Variants in KIF3B observed in about 807,000 individuals in gnomAD.
KIF3B encodes the protein kinesin family member 3B, also known as kinesin-like protein KIF3B.
KIF3B carries 38 observed loss-of-function variants against 74.3 expected under a neutral mutation model. The ratio of observed to expected loss-of-function variants is 0.51; its 90% CI spans 0.39 to 0.67. The LOEUF is 0.67. Among genes scored for constraint, KIF3B ranks in the 30% least tolerant of loss-of-function variants. The pLI is 0.00. For synonymous variants in KIF3B, 326 were observed against 342.5 expected (o/e 0.95, Z 0.53); for missense variants, 649 against 932.0 (o/e 0.70, Z 3.95).
intron 5 of KIF3B, among the ~76,000 whole-genome samples, chr20:32,322,754 A>ATT (rs1448706946): frequency 0.023 from 1,006 of 43,430 alleles, 154 homozygotes; most frequent in African/African-American, 0.13. Flanking sequence ...ATTTATATAT[A>ATT]TATTTATATA....
intron 1 of KIF3B, among the ~76,000 whole-genome samples, chr20:32,279,157 A>T (rs1239322336): frequency 6.6e-6 from 1 of 152,044 alleles, no homozygotes; most frequent in African/African-American, 2.4e-5. Context: ...TCCTGGCCTC[A>T]AGTGATATAC....
chr20:32,323,770 C>CG (rs1020429156), intron 5 of KIF3B, among the ~76,000 whole-genome samples: 2 of 151,360 alleles, frequency 1.3e-5, no homozygotes, highest in African/African-American at 4.9e-5. Context: ...CTCAACTACT[C>CG]GGGAGGCTGA....
At chr20:32,286,499 A>G (rs980609078) in intron 1 of KIF3B, among the ~76,000 whole-genome samples, 2 of 152,232 alleles carry the variant, frequency 1.3e-5, no homozygotes, top group Non-Finnish European at 2.9e-5. Flanking sequence ...TGCAATAATA[A>G]GTTAGACTCT....
rs941073201 is a variant in KIF3B at position 32,334,058 on chromosome 20, G to A, written c.*2739G>A. On this transcript the variant is annotated 3_prime_UTR_variant, in exon 9 of 9. Coordinates refer to ENST00000375712, the MANE Select transcript of KIF3B (RefSeq NM_004798.4). Reference sequence around the variant, plus strand: ...TCATGTCTCTAGTCATACCTAGAATGTTCTGAGCCGTCTGAGGGCCTTCAT... The same window carrying A: ...TCATGTCTCTAGTCATACCTAGAATATTCTGAGCCGTCTGAGGGCCTTCAT... The A allele has an allele frequency of 2.0e-5, 3 of 152,658 alleles. No individual in the cohort carries two copies. The South Asian group carries it at 6.2e-4, about 32-fold the overall frequency. The allele number at this position is 152,658 out of a possible 1,614,324, so 9.5% of individuals were successfully genotyped here. A position where few individuals can be genotyped will look rare whatever the true frequency, so the allele number is the denominator to read the frequency against.
intron 2 of KIF3B, among the ~76,000 whole-genome samples, chr20:32,311,802 C>CTTT (rs771615918): frequency 7.6e-6 from 1 of 132,128 alleles, no homozygotes; most frequent in African/African-American, 2.9e-5. Context: ...ATCCATTTTT[C>CTTT]TTTTTTTTTT....
At chr20:32,314,538 TAAA>T (rs770674327) in intron 2 of KIF3B, among the ~76,000 whole-genome samples, 1 of 139,112 alleles carries the variant, frequency 7.2e-6, no homozygotes, top group African/African-American at 2.6e-5. Flanking sequence ...AGACTCCATC[TAAA>T]AAAAAAAAAA....
chr20:32,324,925 G>A (rs956372949), intron 5 of KIF3B, among the ~76,000 whole-genome samples: 5 of 152,046 alleles, frequency 3.3e-5, no homozygotes, highest in Non-Finnish European at 5.9e-5. Flanking sequence ...CAGCTACTCC[G>A]GGGGCTGAGG....
intron 1 of KIF3B, among the ~76,000 whole-genome samples, chr20:32,287,753 CCTT>C (rs933700147): frequency 1.5e-4 from 23 of 152,174 alleles, no homozygotes; most frequent in East Asian, 5.8e-4. Flanking sequence ...CAGAATATCT[CCTT>C]CTCTCTCAGC....
chr20:32,316,937 T>TCTAACTAAACAA, intron 5 of KIF3B, 63 bp downstream of exon 5: 2 of 1,266,132 alleles, frequency 1.6e-6, no homozygotes, highest in Non-Finnish European at 2.3e-6. Flanking sequence ...CTCGTTTGTT[T>TCTAACTAAACAA]AGTTAGAAAC....
Position 32,310,144 on chromosome 20 carries a change from T to C in KIF3B, c.367T>C (p.Phe123Leu), listed in dbSNP as rs2047792350. 2 of 1,613,908 alleles carry C rather than the reference T, an allele frequency of 1.2e-6. No individual in the cohort carries two copies. Among genetic ancestry groups the C allele is most frequent in the East Asian group, 4.5e-5 (2 of 44,870 alleles). The change falls in exon 2 of 9, where the codon TTT (phenylalanine) becomes CTT (leucine). Residue 123 changes from phenylalanine to leucine, a missense_variant. By Grantham distance (22) the Phe-to-Leu change is conservative. Coordinates refer to ENST00000375712, the MANE Select transcript of KIF3B (RefSeq NM_004798.4). The surrounding 1 kb of genome is among the most constrained non-coding windows in gnomAD (Gnocchi z 6.5). ...PEKRGVIPNS[F>L]DHIFTHISRS... is the part of the protein sequence containing the mutation. The stretch of plus-strand genomic sequence containing the variant: ...AAAAAGAGGAGTCATTCCTAACTCA[T>C]TTGACCATATCTTCACCCACATCTC...
intron 1 of KIF3B, among the ~76,000 whole-genome samples, chr20:32,286,570 T>C (rs973463870): frequency 2.0e-5 from 3 of 152,216 alleles, no homozygotes; most frequent in Admixed American, 6.6e-5. Flanking sequence ...TTTAAAAATA[T>C]ATAATTTTTT....
At chr20:32,279,080 C>A (rs1022912602) in intron 1 of KIF3B, among the ~76,000 whole-genome samples, 2 of 151,730 alleles carry the variant, frequency 1.3e-5, no homozygotes, top group Non-Finnish European at 2.9e-5. Flanking sequence ...TTCACCACCT[C>A]GTCCACTAAT....
chr20:32,285,812 G>A (rs1490078019), intron 1 of KIF3B, among the ~76,000 whole-genome samples: 1 of 152,044 alleles, frequency 6.6e-6, no homozygotes, highest in Non-Finnish European at 1.5e-5. Context: ...GTGGCTTTTA[G>A]AGCGTATTTC....
In KIF3B at chr20:32,333,041, A is replaced by G. The variant is rs1329079748; in HGVS notation, c.*1722A>G. The G allele has an allele frequency of 2.6e-5, 4 of 152,580 alleles. No individual in the cohort carries two copies. The highest frequency in any genetic ancestry group is 2.9e-5 in the Non-Finnish European group (2 of 68,014). The allele number at this position is 152,580 out of a possible 1,614,324, so 9.5% of individuals were successfully genotyped here. On this transcript the variant is annotated 3_prime_UTR_variant, in exon 9 of 9. Transcript: ENST00000375712. ...TGGGAAACAGGAGGTACTAAGTGCA[A>G]TGTCTTAGCATTCTGCAAAATGGAG...
rs183370646 is a variant in KIF3B, at chr20:32,320,332, G to A, written c.1748+3458G>A. Among the ~76,000 whole-genome samples the A allele has an allele frequency of 9.5e-4, 145 of 151,978 alleles. 1 individual carries two copies. Among genetic ancestry groups the A allele is most frequent in the Non-Finnish European group, 3.4e-4 (23 of 67,978 alleles). On this transcript the variant is annotated intron_variant, in intron 5 of 8. Transcript: ENST00000375712. ...ATTACTTATAGCACAAAAGATTTCC[G>A]TTGTGATATAGCCCAATTTAATTGT... is the stretch of plus-strand genomic sequence containing the variant.
At chr20:32,302,746 C>T (rs2047750216) in intron 1 of KIF3B, among the ~76,000 whole-genome samples, 1 of 152,132 alleles carries the variant, frequency 6.6e-6, no homozygotes, top group Non-Finnish European at 1.5e-5. Flanking sequence ...GGGATTTTCC[C>T]TTTGCACCTA....
At chr20:32,306,168 G>A (rs1005634823) in intron 1 of KIF3B, among the ~76,000 whole-genome samples, 26 of 151,744 alleles carry the variant, frequency 1.7e-4, no homozygotes, top group African/African-American at 5.1e-4. Context: ...GCCGAGGCAG[G>A]CCAGTCATGA....
In KIF3B at chr20:32,311,195, AC is replaced by A. The variant is rs140214096; in HGVS notation, c.1404+17del. The A allele has an allele frequency of 3.8e-4, 610 of 1,584,856 alleles. 5 individuals carry two copies. In the African/African-American group the frequency reaches 7.7e-3, roughly 20 times the overall value. On this transcript the variant is annotated intron_variant, in intron 2 of 8. Coordinates refer to ENST00000375712, the MANE Select transcript of KIF3B (RefSeq NM_004798.4). ...GCCAAGATCAAGGTACCATACCCGTACCCTTCCTTAGGCCCTTGCCCTGTCA... is the reference window on the plus strand; with the variant it reads ...GCCAAGATCAAGGTACCATACCCGTACCTTCCTTAGGCCCTTGCCCTGTCA...
chr20:32,292,981 G>A (rs575661427), intron 1 of KIF3B, among the ~76,000 whole-genome samples: 2 of 152,126 alleles, frequency 1.3e-5, no homozygotes, highest in East Asian at 3.9e-4. Context: ...TTGGCTGGGC[G>A]CAGTGGCTCA....
Sources: allele counts gnomAD v4.1 joint callset (sites outside exome capture counted in the v4.1 genomes callset), GRCh38; gene constraint gnomAD v4.1.1; non-coding constraint Gnocchi (gnomAD v3.1); transcripts MANE v1.5; gene names NCBI Gene and HGNC (gene_info 2026-07-23, HGNC 2026-07-21).